Variants in ANKRD36B observed in about 807,000 individuals in gnomAD.
The protein encoded by ANKRD36B is ankyrin repeat domain-containing protein 36B.
In ANKRD36B, 37 loss-of-function variants were observed where a neutral mutation model predicts 135.7. That is an observed-to-expected ratio of 0.27 (90% confidence interval 0.21 to 0.36). The LOEUF (loss-of-function observed/expected upper bound fraction) is 0.36. Among genes scored for constraint, ANKRD36B ranks in the 10% least tolerant of loss-of-function variants. The pLI, the probability that ANKRD36B is intolerant of heterozygous loss-of-function variation, is 1.00. For synonymous variants in ANKRD36B, 179 were observed against 348.1 expected (o/e 0.51, Z 5.41); for missense variants, 549 against 1,037.1 (o/e 0.53, Z 6.46).
chr2:97,530,748 T>C (rs2078533262), intron 35 of ANKRD36B, among the ~76,000 whole-genome samples: 2 of 96,930 alleles, frequency 2.1e-5, no homozygotes, highest in South Asian at 2.3e-4. Context: ...GGGCAAAGGA[T>C]ATCAACAGAC....
At chr2:97,552,370 C>T (rs200503955) in intron 16 of ANKRD36B, among the ~76,000 whole-genome samples, 23 of 151,830 alleles carry the variant, frequency 1.5e-4, no homozygotes, top group South Asian at 2.1e-4. Context: ...AAAGATGTTT[C>T]GTGAAATAGC....
chr2:97,586,261 T>C (rs1303635530), intron 1 of ANKRD36B, among the ~76,000 whole-genome samples: 16 of 152,206 alleles, frequency 1.1e-4, no homozygotes, highest in East Asian at 9.6e-4. Flanking sequence ...TAGGTATGGC[T>C]CATTTTTTTC....
At chr2:97,526,835 G>A (rs1180882792) in intron 35 of ANKRD36B, among the ~76,000 whole-genome samples, 2 of 96,196 alleles carry the variant, frequency 2.1e-5, no homozygotes, top group East Asian at 2.3e-4. Flanking sequence ...GAAATGAAGC[G>A]AGAAGGGAAG....
Position 97,525,857 on chromosome 2 carries a change from G to C in ANKRD36B, c.2266-2390C>G, listed in dbSNP as rs1454378338. On this transcript the variant is annotated intron_variant, in intron 35 of 43. Transcript: ENST00000359901. ...GCAGCAGTGAGGCTGGGGGAGGGGC[G>C]CCTGCCATTGCCCAGGCTTGCTTAG... Among the ~76,000 whole-genome samples, 10 of 98,070 alleles carry C rather than the reference G, an allele frequency of 1.0e-4. 3 individuals carry two copies. The East Asian group carries it at 2.3e-3, about 23-fold the overall frequency. The allele number at this position is 98,070 out of a possible 152,430, so 64.3% of individuals were successfully genotyped here. A position where few individuals can be genotyped will look rare whatever the true frequency, so the allele number is the denominator to read the frequency against.
chr2:97,572,159 G>A (rs1203887264), intron 6 of ANKRD36B, among the ~76,000 whole-genome samples: 2 of 151,968 alleles, frequency 1.3e-5, no homozygotes, highest in African/African-American at 4.8e-5. Flanking sequence ...TATACTTGTA[G>A]CAGTCTCAAT....
In ANKRD36B at chr2:97,537,678, C is replaced by A. The variant is rs1485363857; in HGVS notation, c.2089+490G>T. On this transcript the variant is annotated intron_variant, in intron 32 of 43. Coordinates refer to ENST00000359901, the MANE Select transcript of ANKRD36B (RefSeq NM_001393939.1). ...ATTACCTAAATAACTTCTTCCTTCC[C>A]CTCTTTCTTGCCTTGCAATCCCTCT... Among the ~76,000 whole-genome samples the A allele has an allele frequency of 2.1e-5, 2 of 95,888 alleles. 1 individual carries two copies. Among genetic ancestry groups the A allele is most frequent in the African/African-American group, 6.3e-5 (2 of 31,990 alleles). 62.9% of individuals were successfully genotyped at this position (95,888 alleles called of 152,430 possible). A position where few individuals can be genotyped will look rare whatever the true frequency, so the allele number is the denominator to read the frequency against.
intron 14 of ANKRD36B, among the ~76,000 whole-genome samples, chr2:97,554,856 G>A (rs79124475): frequency 3.3e-5 from 5 of 151,744 alleles, no homozygotes; most frequent in African/African-American, 7.3e-5. Flanking sequence ...TTTCAATGTG[G>A]GGAAGTCTAT....
Position 97,589,541 on chromosome 2 carries a change from T to C in ANKRD36B, c.145A>G (p.Arg49Gly). The C allele has an allele frequency of 6.3e-7, 1 of 1,598,964 alleles. No individual in the cohort carries two copies. Among genetic ancestry groups the C allele is most frequent in the Non-Finnish European group, 8.5e-7 (1 of 1,172,212 alleles). The change falls in exon 1 of 44, where the codon AGA (arginine) becomes GGA (glycine). Residue 49 changes from arginine (R) to glycine (G), a missense_variant. By Grantham distance (125) the Arg-to-Gly change is moderately radical. Coordinates refer to ENST00000359901, the MANE Select transcript of ANKRD36B (RefSeq NM_001393939.1). ...CCCCATTACCTTTCCTTCCTGTCTC[T>C]CTTATTGGCGTCATAATACGTGAGC... is the stretch of plus-strand genomic sequence containing the variant. ...LLLTYYDANK[R>G]DRKERTALHL...
chr2:97,550,049 A>C (rs759008940), intron 18 of ANKRD36B, among the ~76,000 whole-genome samples: 19 of 151,640 alleles, frequency 1.3e-4, no homozygotes, highest in Non-Finnish European at 2.5e-4. Context: ...TGCTCTTTAA[A>C]TTGCCCAATA....
intron 6 of ANKRD36B, among the ~76,000 whole-genome samples, chr2:97,570,451 C>A (rs1317759404): frequency 2.0e-5 from 3 of 152,120 alleles, no homozygotes; most frequent in Admixed American, 2.0e-4. Flanking sequence ...CTCACTGTAC[C>A]TAAACTGTTT....
intron 3 of ANKRD36B, among the ~76,000 whole-genome samples, chr2:97,583,790 G>T (rs1465551747): frequency 6.6e-6 from 1 of 152,228 alleles, no homozygotes; most frequent in African/African-American, 2.4e-5. Flanking sequence ...AATCTTCAGG[G>T]GATATCCTAG....
intron 34 of ANKRD36B, among the ~76,000 whole-genome samples, chr2:97,533,540 G>A (rs2078707641): frequency 1.0e-5 from 1 of 97,112 alleles, no homozygotes; most frequent in Admixed American, 9.1e-5. Context: ...GTACAAAGTT[G>A]TGAGGACACT....
intron 43 of ANKRD36B, among the ~76,000 whole-genome samples, chr2:97,496,341 A>G (rs1485242109): frequency 4.3e-5 from 4 of 92,540 alleles, no homozygotes; most frequent in Non-Finnish European, 1.3e-4. Context: ...AAGAATCTTC[A>G]TAACATAAAA....
At chr2:97,496,570 T>C (rs962101706) in intron 43 of ANKRD36B, among the ~76,000 whole-genome samples, 1 of 59,946 alleles carries the variant, frequency 1.7e-5, no homozygotes, top group East Asian at 2.8e-4. Context: ...TGACTCTTTA[T>C]GTACTGGCTA....
intron 10 of ANKRD36B, among the ~76,000 whole-genome samples, chr2:97,557,559 C>T (rs567023632): frequency 3.9e-5 from 6 of 151,958 alleles, no homozygotes; most frequent in South Asian, 2.1e-4. Flanking sequence ...GTATTCATCA[C>T]GCTCTTTAAC....
chr2:97,546,265 T>G (rs2079451709), intron 22 of ANKRD36B, among the ~76,000 whole-genome samples: 2 of 151,760 alleles, frequency 1.3e-5, no homozygotes, highest in Non-Finnish European at 2.9e-5. Flanking sequence ...TTTACACCAT[T>G]ATACTACAAA....
chr2:97,533,335 T>C lies in ANKRD36B; in HGVS notation c.2192-951A>G, dbSNP rs113657715. 1.0e-4 allele frequency among the ~76,000 whole-genome samples: 10 copies of C among 97,470 alleles called. 2 individuals carry two copies. Among genetic ancestry groups the C allele is most frequent in the East Asian group, 4.6e-4 (2 of 4,342 alleles). The allele number at this position is 97,470 out of a possible 152,430, so 63.9% of individuals were successfully genotyped here. A position where few individuals can be genotyped will look rare whatever the true frequency, so the allele number is the denominator to read the frequency against. On this transcript the variant is annotated intron_variant, in intron 34 of 43. Coordinates refer to ENST00000359901, the MANE Select transcript of ANKRD36B (RefSeq NM_001393939.1). ...ACTGAAATAGAAGAGTGTATCTATT[T>C]CAATGTAAACATGTTGACTGATAAT... is the stretch of plus-strand genomic sequence containing the variant.
At chr2:97,560,811 T>C in intron 7 of ANKRD36B, 21 bp downstream of exon 7, 1 of 1,580,234 alleles carries the variant, frequency 6.3e-7, no homozygotes, top group Non-Finnish European at 8.6e-7. Context: ...TAGTTCAACA[T>C]ATAAATGAGA....
intron 6 of ANKRD36B, among the ~76,000 whole-genome samples, chr2:97,564,974 T>A (rs2081324974): frequency 6.6e-6 from 1 of 152,136 alleles, no homozygotes; most frequent in Non-Finnish European, 1.5e-5. Context: ...AGTATGGCCA[T>A]TTTCAAGATA....
Sources: allele counts gnomAD v4.1 joint callset (sites outside exome capture counted in the v4.1 genomes callset), GRCh38; gene constraint gnomAD v4.1.1; transcripts MANE v1.5; gene names NCBI Gene and HGNC (gene_info 2026-07-23, HGNC 2026-07-21).